SLC8A1: variants seen among roughly 807,000 people sequenced by gnomAD.
The protein encoded by SLC8A1 is solute carrier family 8 member A1.
A neutral mutation model predicts 68.3 loss-of-function variants in SLC8A1; 18 were observed. The observed-to-expected ratio is 0.26, with a 90% confidence interval of 0.18 to 0.39. The LOEUF (loss-of-function observed/expected upper bound fraction) is 0.39, where lower values mean the gene tolerates loss of function less well. Among genes scored for constraint, SLC8A1 ranks in the 10% least tolerant of loss-of-function variants. The probability of loss-of-function intolerance (pLI) is 1.00; values close to 1 mark genes in which losing one functional copy is unlikely to be tolerated. For synonymous variants in SLC8A1, 475 were observed against 415.5 expected (o/e 1.14, Z -1.74); for missense variants, 985 against 1,156.7 (o/e 0.85, Z 2.15).
chr2:40,178,739 G>A (rs757643711), intron 2 of SLC8A1, among the ~76,000 whole-genome samples: 13 of 152,186 alleles, frequency 8.5e-5, no homozygotes, highest in Non-Finnish European at 1.6e-4. Context: ...ATAGCATTCA[G>A]TATTAATAGG....
At chr2:40,234,346 A>T (rs1378323408) in intron 2 of SLC8A1, among the ~76,000 whole-genome samples, 1 of 151,766 alleles carries the variant, frequency 6.6e-6, no homozygotes, top group Admixed American at 6.6e-5. Context: ...TAGGTATTTT[A>T]TTCTCTTTGA....
intron 1 of SLC8A1, among the ~76,000 whole-genome samples, chr2:40,450,655 T>C (rs1177562436): frequency 6.6e-6 from 1 of 152,182 alleles, no homozygotes; most frequent in Non-Finnish European, 1.5e-5. Flanking sequence ...TGATATCCTT[T>C]TTTTCTCTTT....
intron 1 of SLC8A1, among the ~76,000 whole-genome samples, chr2:40,436,225 G>C (rs929135067): frequency 3.3e-5 from 5 of 151,994 alleles, no homozygotes; most frequent in Admixed American, 3.3e-4. Context: ...CTGGCACTTA[G>C]AAGATGCACA....
chr2:40,414,040 T>C (rs1279403433), intron 2 of SLC8A1, among the ~76,000 whole-genome samples: 2 of 152,164 alleles, frequency 1.3e-5, no homozygotes, highest in African/African-American at 4.8e-5. Flanking sequence ...TAACATTAAA[T>C]GGCACCATAA....
At chr2:40,341,654 G>A (rs1275890088) in intron 2 of SLC8A1, among the ~76,000 whole-genome samples, 2 of 152,110 alleles carry the variant, frequency 1.3e-5, no homozygotes, top group Admixed American at 6.5e-5. Flanking sequence ...TTCTTCCAAC[G>A]TAAAAATTGC....
intron 2 of SLC8A1, among the ~76,000 whole-genome samples, chr2:40,372,126 G>A (rs181871462): frequency 2.6e-4 from 39 of 152,134 alleles, no homozygotes; most frequent in Admixed American, 2.3e-3. Flanking sequence ...CAGAAATCAA[G>A]AAATATTTAT....
At chr2:40,147,330 A>G (rs1258138534) in intron 6 of SLC8A1, among the ~76,000 whole-genome samples, 1 of 152,212 alleles carries the variant, frequency 6.6e-6, no homozygotes, top group Admixed American at 6.5e-5. Flanking sequence ...TTTATAAAAT[A>G]ACTCCAAGTT....
chr2:40,474,404 G>C (rs1372327225), intron 1 of SLC8A1, among the ~76,000 whole-genome samples: 2 of 152,134 alleles, frequency 1.3e-5, no homozygotes. Flanking sequence ...TGGTTTCTCA[G>C]AAAAGAAACC....
At position 40,464,546 on chromosome 2, in the gene SLC8A1, C is replaced by T. The variant is rs554017482; in HGVS notation, c.-24-34242G>A. ...AAAGATTGTAAGAAGGGGAGACTGG[C>T]ATCTGTTTCCCAATCTTAGCTTCCA... On this transcript the variant is annotated intron_variant, in intron 1 of 7. Transcript: ENST00000402441. Among the ~76,000 whole-genome samples the T allele has an allele frequency of 7.8e-4, 119 of 152,330 alleles. 1 individual carries two copies. Among genetic ancestry groups the T allele is most frequent in the Non-Finnish European group, 1.2e-3 (83 of 68,020 alleles).
intron 2 of SLC8A1, among the ~76,000 whole-genome samples, chr2:40,312,033 A>G (rs904885319): frequency 1.3e-5 from 2 of 151,976 alleles, no homozygotes; most frequent in Non-Finnish European, 2.9e-5. Context: ...ACTCCTTTTG[A>G]TTTATTAAAT....
At chr2:40,407,211 G>A (rs577275646) in intron 2 of SLC8A1, among the ~76,000 whole-genome samples, 1 of 152,136 alleles carries the variant, frequency 6.6e-6, no homozygotes, top group Non-Finnish European at 1.5e-5. Context: ...GATTACAGGT[G>A]CCCACCACCG....
chr2:40,451,306 C>T (rs1165648955), intron 1 of SLC8A1, among the ~76,000 whole-genome samples: 1 of 152,156 alleles, frequency 6.6e-6, no homozygotes, highest in African/African-American at 2.4e-5. Flanking sequence ...GACCCCGCAG[C>T]CCACTCCCTG....
At chr2:40,285,406 C>T (rs2068150543) in intron 2 of SLC8A1, among the ~76,000 whole-genome samples, 1 of 152,078 alleles carries the variant, frequency 6.6e-6, no homozygotes, top group African/African-American at 2.4e-5. Context: ...ATTTAGGCAG[C>T]CAATTTCTAG....
chr2:40,349,123 T>G (rs1256599897), intron 2 of SLC8A1, among the ~76,000 whole-genome samples: 1 of 152,186 alleles, frequency 6.6e-6, no homozygotes. Context: ...GAAAGAATCC[T>G]TCATCTAAAT....
intron 1 of SLC8A1, among the ~76,000 whole-genome samples, chr2:40,435,333 T>G (rs1343652894): frequency 6.6e-6 from 1 of 152,170 alleles, no homozygotes; most frequent in African/African-American, 2.4e-5. Flanking sequence ...AAGGCTTTTC[T>G]CATCTGACCA....
intron 1 of SLC8A1, among the ~76,000 whole-genome samples, chr2:40,464,495 G>A (rs958134227): frequency 3.3e-5 from 5 of 152,180 alleles, no homozygotes; most frequent in Non-Finnish European, 5.9e-5. Context: ...TGAGGTAAAG[G>A]GAAGAGGTTC....
chr2:40,145,006 T>C (rs1359004099), intron 6 of SLC8A1, among the ~76,000 whole-genome samples: 1 of 152,140 alleles, frequency 6.6e-6, no homozygotes, highest in East Asian at 1.9e-4. Flanking sequence ...GCCCATTCGA[T>C]CTCTAAACAT....
At chr2:40,147,225 T>C (rs1315559522) in intron 6 of SLC8A1, among the ~76,000 whole-genome samples, 1 of 137,970 alleles carries the variant, frequency 7.2e-6, no homozygotes, top group African/African-American at 2.8e-5. Context: ...TTAGTGTCTC[T>C]TGTTCCTAAA....
chr2:40,363,153 T>C lies in SLC8A1; in HGVS notation c.1808+65320A>G, dbSNP rs550686949. On this transcript the variant is annotated intron_variant, in intron 2 of 7. Coordinates refer to ENST00000406785, the Ensembl canonical transcript of SLC8A1. ...AAAAGGTTTTACTACTGAAGGTTGG[T>C]ATTAGATGAGTCTTATAATCATTTT... 2.6e-5 allele frequency among the ~76,000 whole-genome samples: 4 copies of C among 152,262 alleles called. No homozygotes were observed. In the South Asian group the frequency reaches 8.3e-4, roughly 32 times the overall value.
Sources: gnomAD v4.1 joint callset for allele counts (sites outside exome capture counted in the v4.1 genomes callset) on GRCh38, gnomAD v4.1.1 for gene constraint, MANE v1.5 for transcripts, NCBI Gene and HGNC (gene_info 2026-07-23, HGNC 2026-07-21) for gene names.